The following GPR180 variants were observed in gnomAD, a reference collection of about 807,000 sequenced individuals.
GPR180 encodes integral membrane protein GPR180.
A neutral mutation model predicts 52.6 loss-of-function variants in GPR180; 53 were observed. The ratio of observed to expected loss-of-function variants is 1.01; its 90% CI spans 0.81 to 1.27. GPR180 has a LOEUF of 1.27. Among genes scored for constraint, GPR180 ranks in the 50% most tolerant of loss-of-function variants. The pLI is 0.00. For missense variants in GPR180, 533 were observed against 527.0 expected (o/e 1.01, Z -0.11); for synonymous variants, 200 against 193.1 (o/e 1.04, Z -0.30).
chr13:94,621,256 T>G, intron 6 of GPR180, 21 bp downstream of exon 6: 1 of 1,539,126 alleles, frequency 6.5e-7, no homozygotes, highest in East Asian at 2.4e-5. Context: ...ATACTCAGTG[T>G]TTCTGCTTAG....
chr13:94,629,480 T>A lies in GPR180; in HGVS notation c.*2309T>A, dbSNP rs1889966592. ...CCAGGCATTTTACCTTCATTATTAC[T>A]CATCTCTATTGTGATAACCAGGCTC... On this transcript the variant is annotated 3_prime_UTR_variant, in exon 9 of 9. Transcript: ENST00000376958. 1 of 152,208 alleles carries A rather than the reference T, an allele frequency of 6.6e-6. No individual in the cohort carries two copies. Among genetic ancestry groups the A allele is most frequent in the Non-Finnish European group, 1.5e-5 (1 of 68,026 alleles). The allele number at this position is 152,208 out of a possible 1,614,324, so 9.4% of individuals were successfully genotyped here. A position where few individuals can be genotyped will look rare whatever the true frequency, so the allele number is the denominator to read the frequency against.
At chr13:94,626,129 ATTTTTT>A in intron 8 of GPR180, 86 bp downstream of exon 8, 4 of 828,382 alleles carry the variant, frequency 4.8e-6, no homozygotes, top group Non-Finnish European at 7.6e-6. Context: ...GGACCTATTT[ATTTTTT>A]AAGACATTTT....
intron 8 of GPR180, among the ~76,000 whole-genome samples, chr13:94,626,713 T>G (rs1413499161): frequency 6.6e-6 from 1 of 152,120 alleles, no homozygotes; most frequent in African/African-American, 2.4e-5. Context: ...AGGAACCTGA[T>G]TTTTCTTATT....
intron 1 of GPR180, among the ~76,000 whole-genome samples, chr13:94,602,294 C>T (rs1889567833): frequency 6.6e-6 from 1 of 152,180 alleles, no homozygotes; most frequent in Non-Finnish European, 1.5e-5. Context: ...AGCGGCCTCT[C>T]GCCACTAGTG....
intron 1 of GPR180, among the ~76,000 whole-genome samples, chr13:94,602,626 A>G (rs769914731): frequency 3.3e-5 from 5 of 151,946 alleles, no homozygotes; most frequent in Non-Finnish European, 7.4e-5. Context: ...TAGATTTACT[A>G]TGGGCAGTAA....
chr13:94,603,570 C>G (rs1383183793), intron 1 of GPR180, among the ~76,000 whole-genome samples: 2 of 152,266 alleles, frequency 1.3e-5, no homozygotes, highest in East Asian at 3.9e-4. Flanking sequence ...AAACAATGAA[C>G]TGTAACTCGG....
At position 94,632,364 on chromosome 13, in the gene GPR180, G is replaced by T. The variant is rs1421973045; in HGVS notation, c.*5193G>T. On this transcript the variant is annotated 3_prime_UTR_variant, in exon 9 of 9. Coordinates refer to ENST00000376958, the MANE Select transcript of GPR180 (RefSeq NM_180989.6). ...GTTATCTTTCTAGAAATGGCCCCAT[G>T]CACATATAAACATATATGAAACACA... is the stretch of plus-strand genomic sequence containing the variant. 1.3e-5 allele frequency: 2 copies of T among 152,098 alleles called. No homozygotes were observed. Among genetic ancestry groups the T allele is most frequent in the Non-Finnish European group, 2.9e-5 (2 of 68,022 alleles). The allele number at this position is 152,098 out of a possible 1,614,324, so 9.4% of individuals were successfully genotyped here.
chr13:94,602,102 G>T, intron 1 of GPR180, 30 bp downstream of exon 1: 1 of 1,307,460 alleles, frequency 7.6e-7, no homozygotes, highest in Non-Finnish European at 9.7e-7. Context: ...GGGGGATGAA[G>T]GCGCGCTGGC....
At chr13:94,617,660 T>C (rs1196524791) in intron 3 of GPR180, among the ~76,000 whole-genome samples, 5 of 152,160 alleles carry the variant, frequency 3.3e-5, no homozygotes, top group African/African-American at 9.7e-5. Flanking sequence ...TTGATTCTTA[T>C]AATTTGTGTC....
rs1404964604 is a variant in GPR180, at chr13:94,630,374, TA to T, written c.*3208del. 6.6e-6 allele frequency: 1 copy of T among 152,248 alleles called. No homozygotes were observed. The highest frequency in any genetic ancestry group is 1.5e-5 in the Non-Finnish European group (1 of 68,040). The allele number at this position is 152,248 out of a possible 1,614,324, so 9.4% of individuals were successfully genotyped here. A position where few individuals can be genotyped will look rare whatever the true frequency, so the allele number is the denominator to read the frequency against. On this transcript the variant is annotated 3_prime_UTR_variant, in exon 9 of 9. Transcript: ENST00000376958. Reference sequence around the variant, plus strand: ...CCACAGTGTAGCCAAAACAATCTCTTAAAAATGGAAATCATCTGGATGATGA... The same window carrying T: ...CCACAGTGTAGCCAAAACAATCTCTTAAAATGGAAATCATCTGGATGATGA...
At chr13:94,626,942 T>G in intron 8 of GPR180, 71 bp from the exon 9 acceptor site, 2 of 1,121,566 alleles carry the variant, frequency 1.8e-6, no homozygotes, top group Non-Finnish European at 2.5e-6. Context: ...CATATATAGA[T>G]TCATAATAAA....
In GPR180 at chr13:94,632,264, G is replaced by T. The variant is rs917763456; in HGVS notation, c.*5093G>T. 5.3e-5 allele frequency: 8 copies of T among 152,150 alleles called. No individual in the cohort carries two copies. Among genetic ancestry groups the T allele is most frequent in the Non-Finnish European group, 1.2e-4 (8 of 68,020 alleles). 9.4% of individuals were successfully genotyped at this position (152,150 alleles called of 1,614,324 possible). A position where few individuals can be genotyped will look rare whatever the true frequency, so the allele number is the denominator to read the frequency against. ...ATATATGCACATTGTACAAAAATCAGAAAGTTGAAAAAGGTGGGGAAAAGA... is the reference window on the plus strand; with the variant it reads ...ATATATGCACATTGTACAAAAATCATAAAGTTGAAAAAGGTGGGGAAAAGA... On this transcript the variant is annotated 3_prime_UTR_variant, in exon 9 of 9. Coordinates refer to ENST00000376958, the MANE Select transcript of GPR180 (RefSeq NM_180989.6).
At chr13:94,609,839 T>C (rs9524558) in intron 2 of GPR180, among the ~76,000 whole-genome samples, 10,894 of 152,146 alleles carry the variant, frequency 0.072, 559 homozygotes, top group Non-Finnish European at 0.12. Flanking sequence ...CAGATCCTCT[T>C]GTTCAATTTA....
chr13:94,613,809 G>A (rs73546690), intron 3 of GPR180, among the ~76,000 whole-genome samples: 16,248 of 150,886 alleles, frequency 0.11, 1,344 homozygotes, highest in African/African-American at 0.23. Flanking sequence ...GGCATTGATG[G>A]AACCCAGGTC....
intron 5 of GPR180, among the ~76,000 whole-genome samples, chr13:94,620,345 C>CATATATATA (rs1889836097): frequency 6.6e-6 from 1 of 152,178 alleles, no homozygotes; most frequent in East Asian, 1.9e-4. Flanking sequence ...TTAAATGCTA[C>CATATATATA]CTCATAAAAT....
intron 2 of GPR180, among the ~76,000 whole-genome samples, chr13:94,606,591 T>C (rs1336716699): frequency 6.6e-6 from 1 of 152,246 alleles, no homozygotes; most frequent in Non-Finnish European, 1.5e-5. Flanking sequence ...GGAATTATTC[T>C]TCCCTTTTTC....
intron 1 of GPR180, among the ~76,000 whole-genome samples, chr13:94,604,363 C>A (rs1200875231): frequency 6.8e-6 from 1 of 147,180 alleles, no homozygotes; most frequent in Non-Finnish European, 1.5e-5. Context: ...AAAAAAAGAC[C>A]AACCTGGCCA....
chr13:94,612,437 T>C (rs1566978255), intron 3 of GPR180, 47 bp downstream of exon 3: 1 of 1,330,520 alleles, frequency 7.5e-7, no homozygotes, highest in Non-Finnish European at 1.1e-6. Flanking sequence ...AAAAGATTTA[T>C]GTACAAATAT....
chr13:94,633,808 C>G lies in GPR180; in HGVS notation c.*6637C>G, dbSNP rs1479232611. On this transcript the variant is annotated 3_prime_UTR_variant, in exon 9 of 9. Transcript: ENST00000376958. ...ATGTTTAAATGCCCTGTATTTTCAT[C>G]TAGTGGTTTTATGGTTTTATTTTGT... The G allele has an allele frequency of 6.6e-6, 1 of 151,130 alleles. No individual in the cohort carries two copies. The highest frequency in any genetic ancestry group is 6.6e-5 in the Admixed American group (1 of 15,194). The allele number at this position is 151,130 out of a possible 1,614,324, so 9.4% of individuals were successfully genotyped here. A position where few individuals can be genotyped will look rare whatever the true frequency, so the allele number is the denominator to read the frequency against.
Sources: allele counts gnomAD v4.1 joint callset (sites outside exome capture counted in the v4.1 genomes callset), GRCh38; gene constraint gnomAD v4.1.1; transcripts MANE v1.5; gene names NCBI Gene and HGNC (gene_info 2026-07-23, HGNC 2026-07-21).